The following MB21D2 variants were observed in gnomAD, a reference collection of about 807,000 sequenced individuals.
MB21D2 encodes the protein nucleotidyltransferase MB21D2.
Under a neutral mutation model 33.3 loss-of-function variants are expected in MB21D2, and 9 were observed. That is an observed-to-expected ratio of 0.27 (90% CI 0.16 to 0.47). MB21D2 has a LOEUF of 0.47. Among genes scored for constraint, MB21D2 ranks in the 20% least tolerant of loss-of-function variants. The pLI is 0.99. For synonymous variants in MB21D2, 241 were observed against 236.3 expected, an observed-to-expected ratio of 1.02 and a Z score of -0.18; for missense variants, 540 against 624.6, an observed-to-expected ratio of 0.86 and a Z score of 1.44.
chr3:192,869,266 AAAGG>A (rs1203888925), intron 1 of MB21D2, among the ~76,000 whole-genome samples: 7 of 116,878 alleles, frequency 6.0e-5, no homozygotes, highest in Admixed American at 1.7e-4. Context: ...AAAAAAAAAG[AAAGG>A]AAGGAAGGAA....
At chr3:192,900,284 C>CAAAA (rs66984849) in intron 1 of MB21D2, among the ~76,000 whole-genome samples, 32 of 91,162 alleles carry the variant, frequency 3.5e-4, no homozygotes, top group African/African-American at 4.9e-4. Context: ...GACTCTGTCT[C>CAAAA]AAAAAAAAAA....
At chr3:192,835,477 GTC>G (rs1712418281) in intron 1 of MB21D2, among the ~76,000 whole-genome samples, 1 of 73,456 alleles carries the variant, frequency 1.4e-5, no homozygotes, top group African/African-American at 5.5e-5. Context: ...AAAAAAAAAA[GTC>G]TTAAAAACAT....
chr3:192,863,917 A>C (rs1476131100), intron 1 of MB21D2, among the ~76,000 whole-genome samples: 1 of 152,200 alleles, frequency 6.6e-6, no homozygotes, highest in African/African-American at 2.4e-5. Flanking sequence ...GTGAGAAATT[A>C]ATTTCTGTGG....
At chr3:192,888,439 C>T (rs78921956) in intron 1 of MB21D2, among the ~76,000 whole-genome samples, 5,241 of 152,172 alleles carry the variant, frequency 0.034, 340 homozygotes, top group African/African-American at 0.12. Context: ...ACGCGCGCTC[C>T]TAAGCAACCA....
At chr3:192,851,884 A>C (rs112947425) in intron 1 of MB21D2, among the ~76,000 whole-genome samples, 75 of 152,304 alleles carry the variant, frequency 4.9e-4, no homozygotes, top group African/African-American at 1.8e-3. Flanking sequence ...TGTATCCTCT[A>C]AAGTATCCAA....
intron 1 of MB21D2, among the ~76,000 whole-genome samples, chr3:192,819,489 C>T (rs769026383): frequency 6.6e-5 from 10 of 152,134 alleles, no homozygotes; most frequent in Non-Finnish European, 1.0e-4. Context: ...AGAACCTGGG[C>T]CTCCCACCCC....
intron 1 of MB21D2, among the ~76,000 whole-genome samples, chr3:192,823,456 C>T (rs1379870070): frequency 6.6e-6 from 1 of 152,256 alleles, no homozygotes; most frequent in East Asian, 1.9e-4. Flanking sequence ...GAGTTCAAGA[C>T]CAGCCTGACC....
intron 1 of MB21D2, among the ~76,000 whole-genome samples, chr3:192,904,614 A>C (rs1412318489): frequency 1.3e-5 from 2 of 152,166 alleles, no homozygotes; most frequent in Non-Finnish European, 2.9e-5. Flanking sequence ...GCTCCATTCC[A>C]GAGTTACAGA....
Position 192,799,888 on chromosome 3 carries a change from C to A in MB21D2, c.212-238G>T, listed in dbSNP as rs909939362. Among the ~76,000 whole-genome samples, 3 of 152,150 alleles carry A rather than the reference C, an allele frequency of 2.0e-5. No homozygotes were observed. The highest frequency in any genetic ancestry group is 7.2e-5 in the African/African-American group (3 of 41,430). On this transcript the variant is annotated intron_variant, in intron 1 of 1. Transcript: ENST00000392452. This position sits in a 1 kb window ranked among gnomAD's most constrained non-coding sequence, Gnocchi z 4.1. The stretch of plus-strand genomic sequence containing the variant: ...TCTCTCTCAGTGTGAAAAGCAGTAT[C>A]GTTTTCAATAATAAAACAGGGCCCC...
At chr3:192,840,415 C>CTTTTTTTTTTTTTTTTTT (rs71177380) in intron 1 of MB21D2, among the ~76,000 whole-genome samples, 22 of 88,290 alleles carry the variant, frequency 2.5e-4, no homozygotes, top group South Asian at 4.5e-4. Flanking sequence ...TCTCTTTTTT[C>CTTTTTTTTTTTTTTTTTT]TTTTTTTTTT....
Position 192,799,575 on chromosome 3 carries a change from C to G in MB21D2, c.287G>C (p.Gly96Ala). 5 of 1,614,196 alleles carry G rather than the reference C, an allele frequency of 3.1e-6. No homozygotes were observed. Among genetic ancestry groups the G allele is most frequent in the Non-Finnish European group, 4.2e-6 (5 of 1,180,038 alleles). ...CTCATCTAAGTCCAGGTCCACCACG[C>G]CTTCCCGGACACCTCCAGAGAGCAA... ...YLLLSGGVRE[G>A]VVDLDLDELN... Residue 96 changes from glycine to alanine, a missense_variant, in exon 2 of 2, where the codon GGC (glycine) becomes GCC (alanine). Physicochemically the swap from Gly to Ala is moderately conservative, Grantham distance 60. Coordinates refer to ENST00000392452, the MANE Select transcript of MB21D2 (RefSeq NM_178496.4). The surrounding 1 kb of genome is among the most constrained non-coding windows in gnomAD (Gnocchi z 4.1).
At chr3:192,813,534 T>C (rs577875911) in intron 1 of MB21D2, among the ~76,000 whole-genome samples, 5 of 152,212 alleles carry the variant, frequency 3.3e-5, no homozygotes, top group African/African-American at 7.2e-5. Flanking sequence ...AATATATATA[T>C]TGTATGACGC....
At chr3:192,886,853 A>C (rs1480471402) in intron 1 of MB21D2, among the ~76,000 whole-genome samples, 1 of 152,086 alleles carries the variant, frequency 6.6e-6, no homozygotes, top group African/African-American at 2.4e-5. Flanking sequence ...TGATTCTAAG[A>C]AGCAATGACT....
intron 1 of MB21D2, among the ~76,000 whole-genome samples, chr3:192,861,192 T>A (rs1713033058): frequency 1.3e-5 from 2 of 152,228 alleles, no homozygotes. Context: ...TGGAGCCAGG[T>A]ATGCAGATCT....
intron 1 of MB21D2, among the ~76,000 whole-genome samples, chr3:192,850,325 A>C (rs1285708464): frequency 6.6e-6 from 1 of 152,174 alleles, no homozygotes; most frequent in African/African-American, 2.4e-5. Context: ...GATAGCTCCT[A>C]GTAGAATCTA....
chr3:192,885,964 AT>A (rs879628327), intron 1 of MB21D2, among the ~76,000 whole-genome samples: 7 of 151,474 alleles, frequency 4.6e-5, no homozygotes, highest in African/African-American at 7.3e-5. Flanking sequence ...TATTTTTATA[AT>A]TTTTTTTTCT....
In MB21D2 at chr3:192,799,418, C is replaced by T. The variant is rs200717208; in HGVS notation, c.444G>A (p.Leu148=). The change falls in exon 2 of 2, where the codon CTG becomes CTA. Residue 148 remains leucine, a synonymous_variant. Coordinates refer to ENST00000392452, the MANE Select transcript of MB21D2 (RefSeq NM_178496.4). The surrounding 1 kb of genome is among the most constrained non-coding windows in gnomAD (Gnocchi z 4.1). The part of the protein sequence containing the change: ...MRHSALCHSW[L]SLRLFDEGTI... ...TCCCCTCATCAAAGAGCCGAAGGCT[C>T]AGCCAAGAGTGGCACAAGGCTGAGT... is the stretch of plus-strand genomic sequence containing the variant. 3.4e-5 allele frequency: 55 copies of T among 1,614,134 alleles called. 1 individual carries two copies. The South Asian group carries it at 5.6e-4, about 16-fold the overall frequency.
chr3:192,895,003 C>A (rs752450737), intron 1 of MB21D2, among the ~76,000 whole-genome samples: 9 of 152,124 alleles, frequency 5.9e-5, no homozygotes, highest in Non-Finnish European at 1.5e-5. Context: ...AAACTCATCA[C>A]CAACTCTTTT....
intron 1 of MB21D2, among the ~76,000 whole-genome samples, chr3:192,853,289 G>A (rs922121262): frequency 2.6e-5 from 4 of 152,132 alleles, no homozygotes; most frequent in African/African-American, 4.8e-5. Flanking sequence ...ATTCCATCCC[G>A]TGTTGACCCT....
Sources: allele counts gnomAD v4.1 joint callset (sites outside exome capture counted in the v4.1 genomes callset), GRCh38; gene constraint gnomAD v4.1.1; non-coding constraint Gnocchi (gnomAD v3.1); transcripts MANE v1.5; gene names NCBI Gene and HGNC (gene_info 2026-07-23, HGNC 2026-07-21).